Variants in TECR observed in about 807,000 individuals in gnomAD.
The protein encoded by TECR is trans-2,3-enoyl-CoA reductase, also known as very-long-chain enoyl-CoA reductase.
In TECR, 19 loss-of-function variants were observed where a neutral mutation model predicts 50.6. The observed-to-expected ratio is 0.38, with a 90% CI of 0.26 to 0.55. The LOEUF (loss-of-function observed/expected upper bound fraction) is 0.55. Ranked by LOEUF, TECR falls within the 20% of genes least tolerant of loss-of-function variation. TECR has a pLI of 0.79. For synonymous variants in TECR, 168 were observed against 163.5 expected, an observed-to-expected ratio of 1.03 and a Z score of -0.21; for missense variants, 313 against 408.3, an observed-to-expected ratio of 0.77 and a Z score of 2.01.
At position 14,529,680 on chromosome 19, in the gene TECR, C is replaced by A; in HGVS notation, c.-17C>A. ...GCAGCAGCAGCCGCGGAGCAGTAGC[C>A]GCCGTGGGAGGGAGCCATGAAGCAT... is the stretch of plus-strand genomic sequence containing the variant. On this transcript the variant is annotated 5_prime_UTR_variant, in exon 1 of 13. Transcript: ENST00000215567. 1 of 1,613,910 alleles carries A rather than the reference C, an allele frequency of 6.2e-7. No homozygotes were observed. Among genetic ancestry groups the A allele is most frequent in the Non-Finnish European group, 8.5e-7 (1 of 1,180,036 alleles).
intron 1 of TECR, chr19:14,545,217 C>T (rs1599445399): frequency 4.4e-6 from 2 of 456,590 alleles, no homozygotes; most frequent in Non-Finnish European, 8.8e-6. Context: ...TCTGCTCCAG[C>T]CTGCTGCTTA....
At chr19:14,540,870 T>C (rs2073073438) in intron 1 of TECR, among the ~76,000 whole-genome samples, 1 of 152,192 alleles carries the variant, frequency 6.6e-6, no homozygotes. Flanking sequence ...GGAGTTTTGC[T>C]CTTGCCCAGG....
rs1192181205 is a variant in TECR, at chr19:14,529,662, C to T, written c.-35C>T. The T allele has an allele frequency of 6.2e-7, 1 of 1,613,800 alleles. No homozygotes were observed. Among genetic ancestry groups the T allele is most frequent in the Admixed American group, 1.7e-5 (1 of 60,014 alleles). On this transcript the variant is annotated 5_prime_UTR_variant, in exon 1 of 13. Coordinates refer to ENST00000215567, the MANE Select transcript of TECR (RefSeq NM_138501.6). ...GCTGTGCCGCGCAGTTAGGCAGCAG[C>T]AGCCGCGGAGCAGTAGCCGCCGTGG...
chr19:14,565,195 C>T lies in TECR; in HGVS notation c.665-7C>T. 1 of 1,614,012 alleles carries T rather than the reference C, an allele frequency of 6.2e-7. No homozygotes were observed. The highest frequency in any genetic ancestry group is 8.5e-7 in the Non-Finnish European group (1 of 1,180,018). ...GTCTGACTTTCTCCTTCTGTCCTGC[C>T]TGCCAGGGTCCAAGACGCGGAAGAT... On this transcript the variant is annotated splice_polypyrimidine_tract_variant and splice_region_variant and intron_variant, in intron 10 of 12. Coordinates refer to ENST00000215567, the MANE Select transcript of TECR (RefSeq NM_138501.6).
At chr19:14,529,535 G>A (rs2072527385), upstream of TECR, 2 of 988,380 alleles carry the variant, frequency 2.0e-6, no homozygotes, top group Non-Finnish European at 3.2e-6. Flanking sequence ...GGCGCCTCGT[G>A]CCCTGATTGG....
chr19:14,532,753 A>C (rs562952166), intron 1 of TECR, among the ~76,000 whole-genome samples: 2 of 152,304 alleles, frequency 1.3e-5, no homozygotes, highest in East Asian at 1.9e-4. Flanking sequence ...GTCAGTAAAA[A>C]TAGAAAGGAT....
chr19:14,565,670 C>T lies in TECR; in HGVS notation c.799+7C>T, dbSNP rs1411473966. On this transcript the variant is annotated splice_region_variant and intron_variant, in intron 12 of 12. Transcript: ENST00000215567. The stretch of plus-strand genomic sequence containing the variant: ...ATGACGCAGTGTCTCCCAGGTGAGC[C>T]TGCCGCCCTCCCTCGGCGGGGCCCT... The T allele has an allele frequency of 1.2e-6, 2 of 1,612,440 alleles. No individual in the cohort carries two copies. Among genetic ancestry groups the T allele is most frequent in the Admixed American group, 1.7e-5 (1 of 59,964 alleles).
intron 1 of TECR, 28 bp downstream of exon 1, chr19:14,529,739 G>A (rs775079725): frequency 1.2e-6 from 2 of 1,613,966 alleles, no homozygotes; most frequent in Non-Finnish European, 1.7e-6. Flanking sequence ...GGGGCCGTGT[G>A]GCCACTGCTG....
chr19:14,541,903 C>G (rs1016634084), intron 1 of TECR, among the ~76,000 whole-genome samples: 3 of 151,998 alleles, frequency 2.0e-5, no homozygotes, highest in African/African-American at 7.3e-5. Context: ...CTGCCTCAGC[C>G]TCCCGATTGG....
rs375892031 is a variant in TECR at position 14,562,514 on chromosome 19, T to C, written c.16-11T>C. ...GCCAAGAAACCTAAAAAGGCTGTTC[T>C]CTTCTTCGAGGTGGAGATTCTGGAC... On this transcript the variant is annotated splice_polypyrimidine_tract_variant and intron_variant, in intron 1 of 12. Transcript: ENST00000215567. 9.9e-6 allele frequency: 16 copies of C among 1,614,212 alleles called. No homozygotes were observed. The African/African-American group carries it at 2.0e-4, about 20-fold the overall frequency.
chr19:14,538,009 G>A (rs1028253740), intron 1 of TECR, among the ~76,000 whole-genome samples: 18 of 152,188 alleles, frequency 1.2e-4, no homozygotes, highest in Non-Finnish European at 2.5e-4. Flanking sequence ...GCCTCCCAAA[G>A]TGTTGGGATT....
chr19:14,537,546 C>G (rs557184769), intron 1 of TECR, among the ~76,000 whole-genome samples: 62 of 152,242 alleles, frequency 4.1e-4, no homozygotes, highest in Non-Finnish European at 7.5e-4. Flanking sequence ...CCTGCACTTT[C>G]ATTGACAAGC....
upstream of TECR, among the ~76,000 whole-genome samples, chr19:14,528,425 C>T (rs2072485446): frequency 2.0e-5 from 3 of 150,120 alleles, no homozygotes; most frequent in African/African-American, 2.5e-5. Flanking sequence ...TTTTTAGTAG[C>T]GATGAGGTTT....
At chr19:14,529,447 C>T (rs534290665), upstream of TECR, 13 of 632,802 alleles carry the variant, frequency 2.1e-5, no homozygotes, top group South Asian at 2.1e-4. Context: ...CGATTGGTCT[C>T]GCAAGTTGAT....
intron 1 of TECR, chr19:14,562,258 C>G (rs1385951670): frequency 1.7e-6 from 1 of 605,476 alleles, no homozygotes; most frequent in African/African-American, 1.9e-5. Flanking sequence ...CTTTCCAGCA[C>G]CGCGGCAGAA....
intron 1 of TECR, among the ~76,000 whole-genome samples, chr19:14,544,665 A>T (rs1217151285): frequency 7.2e-6 from 1 of 139,346 alleles, no homozygotes; most frequent in African/African-American, 2.7e-5. Flanking sequence ...ACAGGGTCTC[A>T]CTCTGTCGCC....
At chr19:14,551,966 T>TTC (rs1599466317) in intron 1 of TECR, among the ~76,000 whole-genome samples, 1 of 120,432 alleles carries the variant, frequency 8.3e-6, no homozygotes, top group Non-Finnish European at 1.7e-5. Flanking sequence ...TCTCTCTCTC[T>TTC]CTCTCTTTCT....
chr19:14,547,535 T>C (rs184599292), intron 1 of TECR, among the ~76,000 whole-genome samples: 1 of 152,250 alleles, frequency 6.6e-6, no homozygotes, highest in East Asian at 1.9e-4. Context: ...TAATTTTTTG[T>C]ATTTTCAGTC....
chr19:14,535,392 C>T (rs1472354267), intron 1 of TECR, among the ~76,000 whole-genome samples: 7 of 149,532 alleles, frequency 4.7e-5, no homozygotes, highest in Non-Finnish European at 1.0e-4. Context: ...CCTGTAGTCC[C>T]AGCTACTTGG....
Sources: gnomAD v4.1 joint callset for allele counts (sites outside exome capture counted in the v4.1 genomes callset) on GRCh38, gnomAD v4.1.1 for gene constraint, MANE v1.5 for transcripts, NCBI Gene and HGNC (gene_info 2026-07-23, HGNC 2026-07-21) for gene names.